UQCC1: variants seen among roughly 807,000 people sequenced by gnomAD.
The protein encoded by UQCC1 is ubiquinol-cytochrome c reductase complex assembly factor 1.
UQCC1 carries 38 observed loss-of-function variants against 48.0 expected under a neutral mutation model. That is an observed-to-expected ratio of 0.79 (90% CI 0.61 to 1.04). The LOEUF (loss-of-function observed/expected upper bound fraction) is 1.04, where lower values mean the gene tolerates loss of function less well. Ranked by LOEUF, UQCC1 falls within the 50% of genes least tolerant of loss-of-function variation. The pLI is 0.00. For synonymous variants in UQCC1, 111 were observed against 129.2 expected, an observed-to-expected ratio of 0.86 and a Z score of 0.95; for missense variants, 368 against 381.8, an observed-to-expected ratio of 0.96 and a Z score of 0.30.
intron 6 of UQCC1, among the ~76,000 whole-genome samples, chr20:35,362,844 A>G (rs1323458068): frequency 1.3e-5 from 2 of 152,100 alleles, no homozygotes; most frequent in Non-Finnish European, 2.9e-5. Flanking sequence ...AGTGAAATCA[A>G]TTTAGTGGGT....
chr20:35,306,489 C>T (rs2060929716), intron 9 of UQCC1, 177 bp downstream of exon 9: 1 of 584,842 alleles, frequency 1.7e-6, no homozygotes, highest in Admixed American at 2.9e-5. Context: ...CTCCCTGGCC[C>T]AGTTCATGGT....
At chr20:35,400,757 A>ACATAACCTCCTAATCACATAT (rs2062152730) in intron 1 of UQCC1, among the ~76,000 whole-genome samples, 1 of 152,154 alleles carries the variant, frequency 6.6e-6, no homozygotes, top group Non-Finnish European at 1.5e-5. Context: ...GGCCTCCCAA[A>ACATAACCTCCTAATCACATAT]GTGCTGGGAT....
chr20:35,323,324 C>T (rs973403652), intron 7 of UQCC1, among the ~76,000 whole-genome samples: 2 of 152,038 alleles, frequency 1.3e-5, no homozygotes, highest in South Asian at 2.1e-4. Flanking sequence ...AGATGAGATT[C>T]GACAAGGTCA....
chr20:35,387,910 G>C lies in UQCC1; in HGVS notation c.130-3777C>G, dbSNP rs373009136. On this transcript the variant is annotated intron_variant, in intron 2 of 9. Coordinates refer to ENST00000374385, the MANE Select transcript of UQCC1 (RefSeq NM_018244.5). The stretch of plus-strand genomic sequence containing the variant: ...AATTGCAACTTACTGAAGATCTCCT[G>C]TATGTCTAGTACCTACCTACATGCT... 2.6e-5 allele frequency among the ~76,000 whole-genome samples: 4 copies of C among 151,680 alleles called. No homozygotes were observed. In the South Asian group the frequency reaches 8.3e-4, roughly 32 times the overall value.
chr20:35,399,925 C>CTT lies in UQCC1; in HGVS notation c.25-5731_25-5730dup, dbSNP rs1227064253. ...CTGGTTCTACTGGCTCTACTCAGTC[C>CTT]TTTTTTTTTTTTTTTTTTGAGATGG... On this transcript the variant is annotated intron_variant, in intron 1 of 9. Coordinates refer to ENST00000374385, the MANE Select transcript of UQCC1 (RefSeq NM_018244.5). Among the ~76,000 whole-genome samples, 597 of 119,568 alleles carry CTT rather than the reference C, an allele frequency of 5.0e-3. 28 individuals carry two copies. Among genetic ancestry groups the CTT allele is most frequent in the African/African-American group, 0.017 (519 of 30,200 alleles). 78.4% of individuals were successfully genotyped at this position (119,568 alleles called of 152,430 possible).
intron 6 of UQCC1, among the ~76,000 whole-genome samples, chr20:35,363,028 T>TAAAAAAAAAAAAAAAAAAA (rs60988214): frequency 2.5e-5 from 2 of 80,686 alleles, no homozygotes; most frequent in Non-Finnish European, 2.6e-5. Flanking sequence ...TCCTTAAAAC[T>TAAAAAAAAAAAAAAAAAAA]AAAAAAAAAA....
rs2060885873 is a variant in UQCC1 at position 35,302,850 on chromosome 20, CT to C, written c.*1084del. The C allele has an allele frequency of 6.6e-6, 1 of 152,174 alleles. No homozygotes were observed. The highest frequency in any genetic ancestry group is 2.4e-5 in the African/African-American group (1 of 41,436). 9.4% of individuals were successfully genotyped at this position (152,174 alleles called of 1,614,324 possible). A position where few individuals can be genotyped will look rare whatever the true frequency, so the allele number is the denominator to read the frequency against. Reference sequence around the variant, plus strand: ...GATATACCTCACCCATATAGAGTTTCTTTATATGACTCATTTTATAGCAAGT... The same window carrying C: ...GATATACCTCACCCATATAGAGTTTCTTATATGACTCATTTTATAGCAAGT... On this transcript the variant is annotated 3_prime_UTR_variant, in exon 10 of 10. Transcript: ENST00000374385.
At chr20:35,337,237 A>G (rs2061325295) in intron 7 of UQCC1, among the ~76,000 whole-genome samples, 1 of 151,020 alleles carries the variant, frequency 6.6e-6, no homozygotes, top group Non-Finnish European at 1.5e-5. Context: ...CGCCCAGGCT[A>G]GAGTGCAAAT....
At chr20:35,324,469 G>C (rs1056829227) in intron 7 of UQCC1, among the ~76,000 whole-genome samples, 20 of 152,166 alleles carry the variant, frequency 1.3e-4, no homozygotes, top group Admixed American at 2.6e-4. Context: ...TGGGACTACA[G>C]GTGCCCACCA....
rs2061670448 is a variant in UQCC1, at chr20:35,366,705, T to C, written c.407-91A>G. On this transcript the variant is annotated intron_variant, in intron 5 of 9. Transcript: ENST00000374385. ...ATATTGGCAGGCACGGCACTTATGG[T>C]GCTCTCTGATTATGCTATTGCAGAA... The C allele has an allele frequency of 2.7e-6, 3 of 1,110,580 alleles. No homozygotes were observed. In the South Asian group the frequency reaches 4.1e-5, roughly 15 times the overall value. The allele number at this position is 1,110,580 out of a possible 1,614,324, so 68.8% of individuals were successfully genotyped here.
chr20:35,333,452 T>C (rs1268362728), intron 7 of UQCC1, among the ~76,000 whole-genome samples: 3 of 152,230 alleles, frequency 2.0e-5, no homozygotes, highest in Non-Finnish European at 4.4e-5. Context: ...CTGTACTTTT[T>C]GGCAGTTGTG....
At chr20:35,368,226 G>A (rs1246574512) in intron 5 of UQCC1, among the ~76,000 whole-genome samples, 8 of 152,058 alleles carry the variant, frequency 5.3e-5, no homozygotes, top group South Asian at 2.1e-4. Flanking sequence ...ACATAGGCCC[G>A]GACCCCCATG....
chr20:35,370,225 C>T (rs910342984), intron 5 of UQCC1, among the ~76,000 whole-genome samples: 1 of 151,086 alleles, frequency 6.6e-6, no homozygotes, highest in South Asian at 2.1e-4. Context: ...ATACTGCTTT[C>T]TCTTGTTTCT....
At chr20:35,371,397 G>A (rs2061728563) in intron 5 of UQCC1, among the ~76,000 whole-genome samples, 1 of 151,108 alleles carries the variant, frequency 6.6e-6, no homozygotes, top group Non-Finnish European at 1.5e-5. Flanking sequence ...GAGTGCAGTG[G>A]TGTGATCTCG....
chr20:35,369,187 G>A (rs1052635047), intron 5 of UQCC1, among the ~76,000 whole-genome samples: 2 of 152,202 alleles, frequency 1.3e-5, no homozygotes, highest in African/African-American at 4.8e-5. Context: ...CTGGACTTGG[G>A]TCACCATTTC....
chr20:35,314,185 A>G (rs1049779012), intron 8 of UQCC1, among the ~76,000 whole-genome samples: 33 of 151,732 alleles, frequency 2.2e-4, no homozygotes, highest in African/African-American at 7.8e-4. Context: ...GCTGGTCTCG[A>G]ACTCCTGACC....
intron 5 of UQCC1, among the ~76,000 whole-genome samples, chr20:35,368,787 G>A (rs559869594): frequency 1.3e-5 from 2 of 152,156 alleles, no homozygotes; most frequent in Non-Finnish European, 2.9e-5. Flanking sequence ...TTACTGGGAG[G>A]TGCCTAGCAG....
intron 7 of UQCC1, among the ~76,000 whole-genome samples, chr20:35,336,253 A>G (rs1351874705): frequency 1.3e-5 from 2 of 152,222 alleles, no homozygotes; most frequent in African/African-American, 2.4e-5. Flanking sequence ...GTCTAATTAA[A>G]TTGCCTAACA....
Position 35,340,725 on chromosome 20 carries a change from T to C in UQCC1, c.573+6439A>G, listed in dbSNP as rs2061367884. 2.6e-5 allele frequency among the ~76,000 whole-genome samples: 4 copies of C among 152,208 alleles called. 1 individual carries two copies. Among genetic ancestry groups the C allele is most frequent in the Admixed American group, 2.0e-4 (3 of 15,280 alleles). The stretch of plus-strand genomic sequence containing the variant: ...TACCTTTTAATGTGCTCCTTGTCTT[T>C]AAAAACAATACCTTTGGCAGTGAGT... On this transcript the variant is annotated intron_variant, in intron 7 of 9. Transcript: ENST00000374385.
Sources: allele counts gnomAD v4.1 joint callset (sites outside exome capture counted in the v4.1 genomes callset), GRCh38; gene constraint gnomAD v4.1.1; transcripts MANE v1.5; gene names NCBI Gene and HGNC (gene_info 2026-07-23, HGNC 2026-07-21).